DIAPH2: variants seen among roughly 807,000 people sequenced by gnomAD.
DIAPH2 encodes protein diaphanous homolog 2.
Under a neutral mutation model 92.7 loss-of-function variants are expected in DIAPH2, and 35 were observed. The observed-to-expected ratio is 0.38, with a 90% CI of 0.29 to 0.50. DIAPH2 has a LOEUF of 0.50. Among genes scored for constraint, DIAPH2 ranks in the 20% least tolerant of loss-of-function variants. DIAPH2 has a pLI of 0.94. For synonymous variants in DIAPH2, 301 were observed against 280.4 expected (o/e 1.07, Z -0.73); for missense variants, 701 against 819.5 (o/e 0.86, Z 1.77).
At chrX:97,080,814 T>C (rs1466256397) in intron 19 of DIAPH2, among the ~76,000 whole-genome samples, 1 of 111,396 alleles carries the variant, frequency 9.0e-6, no homozygotes, top group Non-Finnish European at 1.9e-5. Context: ...AGTATAATTA[T>C]TCTTATAGTC....
intron 4 of DIAPH2, among the ~76,000 whole-genome samples, chrX:96,780,533 G>A (rs1449985695): frequency 1.8e-5 from 2 of 111,153 alleles, no homozygotes; most frequent in Admixed American, 1.9e-4. Context: ...CCAGGCTGGA[G>A]TGCAGTGGCA....
chrX:97,455,372 G>A (rs2070394847), intron 26 of DIAPH2, among the ~76,000 whole-genome samples: 1 of 111,989 alleles, frequency 8.9e-6, no homozygotes, highest in Admixed American at 9.5e-5. Context: ...TTTGTAAATG[G>A]CCCAGTTATA....
At chrX:96,902,258 C>A (rs1487358218) in intron 5 of DIAPH2, among the ~76,000 whole-genome samples, 1 of 111,793 alleles carries the variant, frequency 8.9e-6, no homozygotes, top group African/African-American at 3.3e-5. Flanking sequence ...GTATATTATG[C>A]AGTTGTTGGG....
In DIAPH2 at chrX:97,302,279, A is replaced by G. The variant is rs2068713664; in HGVS notation, c.2845-45837A>G. Among the ~76,000 whole-genome samples the G allele has an allele frequency of 2.8e-5, 3 of 105,389 alleles. No individual in the cohort carries two copies. The Admixed American group carries it at 3.2e-4, about 11-fold the overall frequency. The allele number at this position is 105,389 out of a possible 115,157, so 91.5% of individuals were successfully genotyped here. On this transcript the variant is annotated intron_variant, in intron 23 of 26. Transcript: ENST00000324765. ...CATGGTGGCTCACACCTGTAATCCC[A>G]GCACTTTGGGAGGCCGAGGTGGGCG...
chrX:96,707,491 T>C (rs918915651), intron 1 of DIAPH2, among the ~76,000 whole-genome samples: 3 of 108,919 alleles, frequency 2.8e-5, no homozygotes, highest in African/African-American at 1.0e-4. Context: ...TAATTTTTAG[T>C]ACAAAAATTA....
At chrX:96,956,820 C>T (rs761807663) in intron 15 of DIAPH2, among the ~76,000 whole-genome samples, 9 of 112,204 alleles carry the variant, frequency 8.0e-5, no homozygotes, top group Non-Finnish European at 1.7e-4. Context: ...AACTTTCCCA[C>T]ATTTTCCTGT....
At position 97,360,548 on chromosome X, in the gene DIAPH2, C is replaced by T. The variant is rs182632322; in HGVS notation, c.3009+12268C>T. On this transcript the variant is annotated intron_variant, in intron 24 of 26. Coordinates refer to ENST00000324765, the MANE Select transcript of DIAPH2 (RefSeq NM_006729.5). ...CTGAGGCAGGAGAATCACTTGAACC[C>T]GGGAGGTGGAAGTTGCAGTGAGCCA... Among the ~76,000 whole-genome samples, 488 of 111,188 alleles carry T rather than the reference C, an allele frequency of 4.4e-3. 3 individuals carry two copies. The highest frequency in any genetic ancestry group is 0.014 in the African/African-American group (416 of 30,649).
intron 19 of DIAPH2, among the ~76,000 whole-genome samples, chrX:97,087,114 CCAAAAAATACTTAATTTTACT>C (rs2066789181): frequency 9.0e-6 from 1 of 110,951 alleles, no homozygotes; most frequent in African/African-American, 3.3e-5. Context: ...TAATTAGGTG[CCAAAAAATACTTAATTTTACT>C]TAATGCAGTA....
intron 3 of DIAPH2, among the ~76,000 whole-genome samples, chrX:96,756,047 A>G (rs1007392697): frequency 4.5e-5 from 5 of 111,093 alleles, no homozygotes; most frequent in African/African-American, 6.5e-5. Context: ...AAAAGTTTTT[A>G]TAGAAGCGAG....
intron 23 of DIAPH2, among the ~76,000 whole-genome samples, chrX:97,326,281 A>T (rs781204448): frequency 8.9e-6 from 1 of 112,303 alleles, no homozygotes; most frequent in Non-Finnish European, 1.9e-5. Context: ...AGTGGGTAGC[A>T]TATGGAATAC....
chrX:96,952,923 G>A (rs1180853458), intron 15 of DIAPH2, among the ~76,000 whole-genome samples: 1 of 107,804 alleles, frequency 9.3e-6, no homozygotes, highest in Admixed American at 1.0e-4. Context: ...AGGAATTTGA[G>A]ACTGTTCTGG....
chrX:96,845,756 C>G (rs2064966979), intron 4 of DIAPH2, among the ~76,000 whole-genome samples: 1 of 111,616 alleles, frequency 9.0e-6, no homozygotes, highest in Non-Finnish European at 1.9e-5. Context: ...TAAATGAAAG[C>G]AAAAACACCA....
chrX:97,355,581 A>G (rs947894449), intron 24 of DIAPH2, among the ~76,000 whole-genome samples: 1 of 111,219 alleles, frequency 9.0e-6, no homozygotes, highest in African/African-American at 3.3e-5. Context: ...TTGCCAGTAA[A>G]ATGGTAATAT....
intron 17 of DIAPH2, among the ~76,000 whole-genome samples, chrX:97,007,020 A>C (rs954366023): frequency 2.7e-5 from 3 of 111,943 alleles, no homozygotes; most frequent in Non-Finnish European, 5.6e-5. Flanking sequence ...CTAACTAAAC[A>C]CTGGTTGCAT....
chrX:97,045,848 A>AT (rs758666786), intron 17 of DIAPH2, among the ~76,000 whole-genome samples: 3,217 of 64,392 alleles, frequency 0.05, 271 homozygotes, highest in African/African-American at 0.15. Context: ...GTATTTTAGG[A>AT]TTTTTTTTTT....
At chrX:97,157,742 G>A (rs1445417627) in intron 22 of DIAPH2, among the ~76,000 whole-genome samples, 1 of 111,874 alleles carries the variant, frequency 8.9e-6, no homozygotes, top group African/African-American at 3.2e-5. Flanking sequence ...TCCTGGAACA[G>A]AAGTACATAG....
At chrX:96,885,026 T>C (rs2065250141) in intron 5 of DIAPH2, 2 of 1,211,286 alleles carry the variant, frequency 1.7e-6, no homozygotes, top group Admixed American at 2.2e-5. Context: ...AAGGAAGCGA[T>C]TGATTATCTG....
intron 20 of DIAPH2, among the ~76,000 whole-genome samples, chrX:97,100,159 A>G (rs1192240829): frequency 9.0e-6 from 1 of 110,934 alleles, no homozygotes; most frequent in Non-Finnish European, 1.9e-5. Flanking sequence ...AAAGTAGGTT[A>G]AAATAAAAGG....
chrX:96,960,566 C>G (rs957482434), intron 16 of DIAPH2, among the ~76,000 whole-genome samples: 10 of 111,027 alleles, frequency 9.0e-5, no homozygotes, highest in African/African-American at 3.3e-4. Context: ...TTGATGTTGT[C>G]TTTTCCAATT....
Sources: allele counts gnomAD v4.1 joint callset (sites outside exome capture counted in the v4.1 genomes callset), GRCh38; gene constraint gnomAD v4.1.1; transcripts MANE v1.5; gene names NCBI Gene and HGNC (gene_info 2026-07-23, HGNC 2026-07-21).